TRIO: variants seen among roughly 807,000 people sequenced by gnomAD.
The protein encoded by TRIO is triple functional domain protein.
A neutral mutation model predicts 351.9 loss-of-function variants in TRIO; 58 were observed. The ratio of observed to expected loss-of-function variants is 0.16; its 90% CI spans 0.13 to 0.21. TRIO has a LOEUF of 0.21. Ranked by LOEUF, TRIO falls within the 10% of genes least tolerant of loss-of-function variation. The probability of loss-of-function intolerance (pLI) is 1.00; values close to 1 mark genes in which losing one functional copy is unlikely to be tolerated. For synonymous variants in TRIO, 1,758 were observed against 1,595.7 expected, an observed-to-expected ratio of 1.10 and a Z score of -2.42; for missense variants, 3,201 against 4,027.8, an observed-to-expected ratio of 0.79 and a Z score of 5.56.
chr5:14,504,839 G>A (rs1757546551), intron 55 of TRIO, among the ~76,000 whole-genome samples: 1 of 151,716 alleles, frequency 6.6e-6, no homozygotes, highest in East Asian at 1.9e-4. Flanking sequence ...CACCTGATAT[G>A]CTCAGCCAAC....
chr5:14,467,852 A>G (rs1226593646), intron 37 of TRIO, among the ~76,000 whole-genome samples: 1 of 152,148 alleles, frequency 6.6e-6, no homozygotes, highest in Non-Finnish European at 1.5e-5. Flanking sequence ...GCCAGTATGT[A>G]CTGAGTTCAG....
Position 14,377,034 on chromosome 5 carries a change from C to T in TRIO, c.3332-978C>T, listed in dbSNP as rs576139523. Among the ~76,000 whole-genome samples the T allele has an allele frequency of 2.6e-5, 4 of 152,176 alleles. No individual in the cohort carries two copies. In the East Asian group the frequency reaches 5.8e-4, roughly 22 times the overall value. On this transcript the variant is annotated intron_variant, in intron 19 of 56. Coordinates refer to ENST00000344204, the MANE Select transcript of TRIO (RefSeq NM_007118.4). ...CTCATTCTTCTAAAGAATTGTTCAT[C>T]GTTTTTCTGTTGACTATTCTATGTC...
chr5:14,440,710 T>TA (rs1751959154), intron 34 of TRIO: 1 of 152,186 alleles, frequency 6.6e-6, no homozygotes, highest in African/African-American at 2.4e-5. Context: ...TCTTTTTTTT[T>TA]ATCAAGTCAC....
intron 11 of TRIO, among the ~76,000 whole-genome samples, chr5:14,345,595 C>G (rs879634395): frequency 1.3e-5 from 2 of 152,232 alleles, no homozygotes; most frequent in Admixed American, 6.5e-5. Flanking sequence ...TAGTCTCACT[C>G]TGTCACCCAG....
intron 33 of TRIO, among the ~76,000 whole-genome samples, chr5:14,410,077 GCT>G (rs898770326): frequency 6.6e-6 from 1 of 152,132 alleles, no homozygotes; most frequent in African/African-American, 2.4e-5. Context: ...TCCTTAGTAG[GCT>G]CTAAAGCACA....
chr5:14,454,725 G>C (rs1753127601), intron 34 of TRIO, among the ~76,000 whole-genome samples: 1 of 152,218 alleles, frequency 6.6e-6, no homozygotes, highest in Non-Finnish European at 1.5e-5. Flanking sequence ...TTGGCTTCCT[G>C]CCTTCACAGT....
In TRIO at chr5:14,309,813, T is replaced by G. The variant is rs116023313; in HGVS notation, c.1500+5221T>G. On this transcript the variant is annotated intron_variant, in intron 8 of 56. Coordinates refer to ENST00000344204, the MANE Select transcript of TRIO (RefSeq NM_007118.4). ...AGGGCTTGCTTTGCTTTTTTTTATT[T>G]CCTTTTCCTTGCCTCTCTCTTCCTG... is the stretch of plus-strand genomic sequence containing the variant. Among the ~76,000 whole-genome samples, 957 of 152,306 alleles carry G rather than the reference T, an allele frequency of 6.3e-3. 12 individuals are homozygous for G. The highest frequency in any genetic ancestry group is 0.022 in the African/African-American group (926 of 41,556).
intron 7 of TRIO, among the ~76,000 whole-genome samples, chr5:14,299,138 A>AT (rs1325688732): frequency 6.6e-6 from 1 of 152,232 alleles, no homozygotes; most frequent in Non-Finnish European, 1.5e-5. Context: ...CATGGGTGTC[A>AT]TGGGGCATTT....
intron 1 of TRIO, among the ~76,000 whole-genome samples, chr5:14,228,278 A>G (rs1793173242): frequency 6.6e-6 from 1 of 152,254 alleles, no homozygotes; most frequent in African/African-American, 2.4e-5. Flanking sequence ...ATGGACAGAA[A>G]TCAATTCCTG....
chr5:14,270,313 A>C (rs1795906869), intron 1 of TRIO, among the ~76,000 whole-genome samples: 1 of 152,202 alleles, frequency 6.6e-6, no homozygotes, highest in Non-Finnish European at 1.5e-5. Context: ...GGAGAAAGCC[A>C]GGCCCCAGCT....
chr5:14,210,411 A>G (rs992561258), intron 1 of TRIO, among the ~76,000 whole-genome samples: 14 of 152,050 alleles, frequency 9.2e-5, no homozygotes, highest in Admixed American at 2.6e-4. Flanking sequence ...ATGGGGACCT[A>G]TTTGCAGCCA....
chr5:14,230,627 G>A (rs1793357740), intron 1 of TRIO, among the ~76,000 whole-genome samples: 1 of 152,052 alleles, frequency 6.6e-6, no homozygotes. Flanking sequence ...TTCCATGAAT[G>A]TCTTCTCATA....
At chr5:14,298,640 C>T (rs998499821) in intron 7 of TRIO, among the ~76,000 whole-genome samples, 1 of 152,078 alleles carries the variant, frequency 6.6e-6, no homozygotes. Context: ...GAATGTTGCA[C>T]AAGACACTAA....
intron 11 of TRIO, 71 bp downstream of exon 11, chr5:14,336,798 A>C: frequency 6.5e-7 from 1 of 1,530,822 alleles, no homozygotes; most frequent in Non-Finnish European, 9.0e-7. Flanking sequence ...AGGAACCTAA[A>C]TTTAGTCATA....
intron 8 of TRIO, among the ~76,000 whole-genome samples, chr5:14,309,506 A>G (rs1044818011): frequency 3.3e-5 from 5 of 152,282 alleles, no homozygotes; most frequent in Middle Eastern, 6.8e-3. Context: ...TTTTTATTTT[A>G]TATTCCTAAA....
rs60827656 is a variant in TRIO, at chr5:14,202,294, A to ATTTTTTTTTTTT, written c.157+58437_157+58448dup. Among the ~76,000 whole-genome samples the ATTTTTTTTTTTT allele has an allele frequency of 9.8e-4, 33 of 33,562 alleles. 2 individuals are homozygous for ATTTTTTTTTTTT. The highest frequency in any genetic ancestry group is 1.1e-3 in the Non-Finnish European group (19 of 17,106). The allele number at this position is 33,562 out of a possible 152,430, so 22.0% of individuals were successfully genotyped here. On this transcript the variant is annotated intron_variant, in intron 1 of 56. Transcript: ENST00000344204. ...TTAAAACATTTTGAATATTTTTGTG[A>ATTTTTTTTTTTT]TTTTTTTTTTTTTTTTTTTTTTTTT...
chr5:14,207,026 T>G (rs1381396349), intron 1 of TRIO, among the ~76,000 whole-genome samples: 2 of 152,196 alleles, frequency 1.3e-5, no homozygotes, highest in African/African-American at 4.8e-5. Flanking sequence ...CTTTGTGATC[T>G]TGGATTAAAC....
At chr5:14,163,892 G>A (rs1451938209) in intron 1 of TRIO, among the ~76,000 whole-genome samples, 2 of 152,160 alleles carry the variant, frequency 1.3e-5, no homozygotes, top group African/African-American at 4.8e-5. Context: ...ATTTTCATGA[G>A]CCTCATTTCT....
intron 18 of TRIO, 36 bp from the exon 19 acceptor site, chr5:14,374,193 C>T (rs747572537): frequency 3.2e-6 from 5 of 1,567,790 alleles, no homozygotes; most frequent in Non-Finnish European, 4.4e-6. Flanking sequence ...TTGTAGAAGT[C>T]AAATTAGCAA....
Sources: allele counts gnomAD v4.1 joint callset (sites outside exome capture counted in the v4.1 genomes callset), GRCh38; gene constraint gnomAD v4.1.1; transcripts MANE v1.5; gene names NCBI Gene and HGNC (gene_info 2026-07-23, HGNC 2026-07-21).